The following CCDC88C variants were observed in gnomAD, a reference collection of about 807,000 sequenced individuals.
CCDC88C encodes the protein protein Daple.
In CCDC88C, 131 loss-of-function variants were observed where a neutral mutation model predicts 198.8. The observed-to-expected ratio is 0.66, with a 90% CI of 0.57 to 0.76. The LOEUF (loss-of-function observed/expected upper bound fraction) is 0.76, where lower values mean the gene tolerates loss of function less well. Ranked by LOEUF, CCDC88C falls within the 30% of genes least tolerant of loss-of-function variation. CCDC88C has a pLI of 0.00. For missense variants in CCDC88C, 2,553 were observed against 2,631.6 expected (o/e 0.97, Z 0.65); for synonymous variants, 1,166 against 1,114.7 (o/e 1.05, Z -0.92).
Position 91,338,258 on chromosome 14 carries a change from G to A in CCDC88C, c.892-95C>T. 1.4e-6 allele frequency: 2 copies of A among 1,468,716 alleles called. No homozygotes were observed. The highest frequency in any genetic ancestry group is 9.3e-7 in the Non-Finnish European group (1 of 1,079,682). The allele number at this position is 1,468,716 out of a possible 1,614,324, so 91.0% of individuals were successfully genotyped here. ...CCTTCTGCATGGTGTCTCCACGACG[G>A]CCCAGGACAAGCCAGCTCCTGGTGG... On this transcript the variant is annotated intron_variant, in intron 9 of 29. Transcript: ENST00000389857. The surrounding 1 kb of genome is among the most constrained non-coding windows in gnomAD (Gnocchi z 4.8).
At chr14:91,340,110 T>C in intron 6 of CCDC88C, 86 bp from the exon 7 acceptor site, 5 of 1,526,410 alleles carry the variant, frequency 3.3e-6, no homozygotes, top group Non-Finnish European at 3.6e-6. Flanking sequence ...CCCCTTCCAA[T>C]CAACCTTACT....
At chr14:91,333,135 G>A (rs1339798299) in intron 10 of CCDC88C, among the ~76,000 whole-genome samples, 2 of 152,192 alleles carry the variant, frequency 1.3e-5, no homozygotes, top group African/African-American at 2.4e-5. Flanking sequence ...AGCCACTGAC[G>A]TATGTGCATC....
chr14:91,376,463 C>T (rs1022375289), intron 3 of CCDC88C, among the ~76,000 whole-genome samples: 2 of 152,208 alleles, frequency 1.3e-5, no homozygotes, highest in Non-Finnish European at 2.9e-5. Flanking sequence ...CCCTGCCCCC[C>T]AGGAACCACA....
In CCDC88C at chr14:91,277,934, GCTGCGGTTGCTCTC is replaced by G; in HGVS notation, c.5032_5045del (p.Glu1678LeufsTer5). 2 of 1,507,946 alleles carry G rather than the reference GCTGCGGTTGCTCTC, an allele frequency of 1.3e-6. No homozygotes were observed. Among genetic ancestry groups the G allele is most frequent in the Non-Finnish European group, 1.8e-6 (2 of 1,118,994 alleles). 93.4% of individuals were successfully genotyped at this position (1,507,946 alleles called of 1,614,324 possible). ...CCGGATCACTCACATGGGTGGGGGA[GCTGCGGTTGCTCTC>G]CTCCAGGAACTCCTCCAAGGTGACC... On this transcript the variant is annotated frameshift_variant, in exon 29 of 30. Coordinates refer to ENST00000389857, the MANE Select transcript of CCDC88C (RefSeq NM_001080414.4). LOFTEE classifies it low-confidence loss of function (END_TRUNC).
At chr14:91,344,626 C>T (rs2139871652) in intron 4 of CCDC88C, among the ~76,000 whole-genome samples, 1 of 152,048 alleles carries the variant, frequency 6.6e-6, no homozygotes, top group East Asian at 1.9e-4. Context: ...ATTCTCCTGC[C>T]TCAGCCTCCC....
At chr14:91,417,251 A>G (rs1887113588) in intron 1 of CCDC88C, 8 of 699,632 alleles carry the variant, frequency 1.1e-5, no homozygotes, top group South Asian at 4.5e-5. Context: ...GAAAAACTAC[A>G]TGAGATATTT....
Position 91,313,823 on chromosome 14 carries a change from C to G in CCDC88C, c.1993G>C (p.Glu665Gln), listed in dbSNP as rs956104232. 1.9e-6 allele frequency: 3 copies of G among 1,604,408 alleles called. No individual in the cohort carries two copies. The highest frequency in any genetic ancestry group is 1.7e-4 in the Middle Eastern group (1 of 6,050). Reference sequence around the variant, plus strand: ...AGCTGCAGGCCCTGGCTCTCATGCTCCAGGGCCTCGACTTTCTCGGTGGCT... The same window carrying G: ...AGCTGCAGGCCCTGGCTCTCATGCTGCAGGGCCTCGACTTTCTCGGTGGCT... ...ETATEKVEAL[E>Q]HESQGLQLEN... The change falls in exon 15 of 30, where the codon GAG (glutamate) becomes CAG (glutamine). Residue 665 changes from glutamate to glutamine, a missense_variant. Glu to Gln is a conservative substitution (Grantham distance 29). Transcript: ENST00000389857. The surrounding 1 kb of genome is among the most constrained non-coding windows in gnomAD (Gnocchi z 5.2).
At chr14:91,396,790 T>A (rs1448135851) in intron 3 of CCDC88C, among the ~76,000 whole-genome samples, 2 of 151,886 alleles carry the variant, frequency 1.3e-5, no homozygotes. Context: ...ACTTCAGGAG[T>A]TCGAGACCAG....
Position 91,294,158 on chromosome 14 carries a change from G to A in CCDC88C, c.4112+15C>T, listed in dbSNP as rs765706317. ...GGTGAGGGTGCGGAGAGGGGTTCAG[G>A]GACTCCCTGCTTACATGTACTGCTT... On this transcript the variant is annotated intron_variant, in intron 23 of 29. Transcript: ENST00000389857. 2 of 1,613,528 alleles carry A rather than the reference G, an allele frequency of 1.2e-6. No homozygotes were observed. Among genetic ancestry groups the A allele is most frequent in the Admixed American group, 3.3e-5 (2 of 60,012 alleles).
At chr14:91,360,144 G>T (rs1894241358) in intron 3 of CCDC88C, among the ~76,000 whole-genome samples, 1 of 151,968 alleles carries the variant, frequency 6.6e-6, no homozygotes, top group Admixed American at 6.6e-5. Flanking sequence ...GAGGCCAGGC[G>T]CAGTGGTTAA....
rs1887116390 is a variant in CCDC88C, at chr14:91,417,293, G to A, written c.60+338C>T. The A allele has an allele frequency of 8.9e-6, 6 of 672,968 alleles. 1 individual carries two copies. In the Admixed American group the frequency reaches 1.1e-4, roughly 12 times the overall value. 41.7% of individuals were successfully genotyped at this position (672,968 alleles called of 1,614,324 possible). ...GAAGAATGGGGTCCTTTTCGGGAGT[G>A]GCTAAACCCCAGGGACAGGAGTGAC... On this transcript the variant is annotated intron_variant, in intron 1 of 29. Transcript: ENST00000389857.
chr14:91,282,823 G>A (rs1890250740), intron 26 of CCDC88C, among the ~76,000 whole-genome samples: 1 of 152,108 alleles, frequency 6.6e-6, no homozygotes, highest in Non-Finnish European at 1.5e-5. Flanking sequence ...GCACTTTAGG[G>A]GGCCAAGGCA....
rs1205322198 is a variant in CCDC88C, at chr14:91,339,761, G to A, written c.624+123C>T. The A allele has an allele frequency of 4.9e-6, 6 of 1,216,030 alleles. No individual in the cohort carries two copies. The highest frequency in any genetic ancestry group is 3.2e-5 in the South Asian group (2 of 63,194). The allele number at this position is 1,216,030 out of a possible 1,614,324, so 75.3% of individuals were successfully genotyped here. A position where few individuals can be genotyped will look rare whatever the true frequency, so the allele number is the denominator to read the frequency against. On this transcript the variant is annotated intron_variant, in intron 7 of 29. Coordinates refer to ENST00000389857, the MANE Select transcript of CCDC88C (RefSeq NM_001080414.4). The surrounding 1 kb of genome is among the most constrained non-coding windows in gnomAD (Gnocchi z 5.8). ...GGCCGTAACCAGGGAAAGCACGCAC[G>A]TCCCACCCCCACCAGAACCTCAGCA...
At chr14:91,345,404 G>GCTGGTCTTGAACTCCTGACCTCGTGAT (rs766402955) in intron 4 of CCDC88C, among the ~76,000 whole-genome samples, 430 of 151,586 alleles carry the variant, frequency 2.8e-3, no homozygotes, top group Middle Eastern at 0.014. Flanking sequence ...TGTTGGCCTG[G>GCTGGTCTTGAACTCCTGACCTCGTGAT]CTGGTCTTGA....
chr14:91,328,766 C>T (rs1187250108), intron 10 of CCDC88C, among the ~76,000 whole-genome samples: 4 of 152,190 alleles, frequency 2.6e-5, no homozygotes, highest in South Asian at 2.1e-4. Context: ...CCATGCGCAG[C>T]GCCTGAGACC....
chr14:91,392,730 GC>G (rs1885581556), intron 3 of CCDC88C, among the ~76,000 whole-genome samples: 2 of 148,826 alleles, frequency 1.3e-5, no homozygotes, highest in South Asian at 2.2e-4. Context: ...CCCTCACTGA[GC>G]CCCCTCACTC....
chr14:91,332,231 C>T (rs1892866330), intron 10 of CCDC88C, among the ~76,000 whole-genome samples: 1 of 152,202 alleles, frequency 6.6e-6, no homozygotes, highest in Non-Finnish European at 1.5e-5. Flanking sequence ...CCTTCCAGTT[C>T]TCTGCCTTTG....
intron 1 of CCDC88C, 82 bp downstream of exon 1, chr14:91,417,549 G>A (rs1887132467): frequency 7.4e-7 from 1 of 1,355,626 alleles, no homozygotes; most frequent in Non-Finnish European, 1.0e-6. Flanking sequence ...GGCCCCGGCC[G>A]TGTCGGGTCT....
At chr14:91,373,237 AAC>A (rs1365652601) in intron 3 of CCDC88C, among the ~76,000 whole-genome samples, 1 of 152,058 alleles carries the variant, frequency 6.6e-6, no homozygotes. Flanking sequence ...GGCCAAGAAA[AAC>A]ACACACGATA....
Sources: gnomAD v4.1 joint callset for allele counts (sites outside exome capture counted in the v4.1 genomes callset) on GRCh38, gnomAD v4.1.1 for gene constraint, Gnocchi (gnomAD v3.1) non-coding constraint, MANE v1.5 for transcripts, NCBI Gene and HGNC (gene_info 2026-07-23, HGNC 2026-07-21) for gene names.